Variants in PTPRN2 observed in about 807,000 individuals in gnomAD.
PTPRN2 encodes the protein protein tyrosine phosphatase receptor type N2, also known as receptor-type tyrosine-protein phosphatase N2.
PTPRN2 carries 74 observed loss-of-function variants against 118.8 expected under a neutral mutation model. That is an observed-to-expected ratio of 0.62 (90% CI 0.52 to 0.76). The LOEUF is 0.76. Ranked by LOEUF, PTPRN2 falls within the 30% of genes least tolerant of loss-of-function variation. PTPRN2 has a pLI of 0.00. For missense variants in PTPRN2, 1,481 were observed against 1,394.4 expected (o/e 1.06, Z -0.99); for synonymous variants, 641 against 608.0 (o/e 1.05, Z -0.80).
chr7:158,145,712 G>A (rs367650011), intron 6 of PTPRN2, among the ~76,000 whole-genome samples: 10 of 152,350 alleles, frequency 6.6e-5, no homozygotes, highest in African/African-American at 2.4e-4. Flanking sequence ...GATTATTCTA[G>A]AATCTGTAGG....
chr7:158,152,036 T>C (rs568353609), intron 6 of PTPRN2, among the ~76,000 whole-genome samples: 1 of 151,862 alleles, frequency 6.6e-6, no homozygotes, highest in South Asian at 2.1e-4. Context: ...TAGCCGGGCG[T>C]GGTGGCAGAC....
rs2151083692 is a variant in PTPRN2 at position 157,794,790 on chromosome 7, AG to A, written c.1788+103882del. Among the ~76,000 whole-genome samples the A allele has an allele frequency of 6.6e-6, 1 of 152,342 alleles. No homozygotes were observed. Among genetic ancestry groups the A allele is most frequent in the Non-Finnish European group, 1.5e-5 (1 of 68,032 alleles). On this transcript the variant is annotated intron_variant, in intron 12 of 22. Coordinates refer to ENST00000389418, the MANE Select transcript of PTPRN2 (RefSeq NM_002847.5). This position sits in a 1 kb window ranked among gnomAD's most constrained non-coding sequence, Gnocchi z 5.2. Reference sequence around the variant, plus strand: ...AGAACAGTGAGCTACCTTCTCTCCCAGTAACCTTTTCCAGAGGAAACCTCTT... The same window carrying A: ...AGAACAGTGAGCTACCTTCTCTCCCATAACCTTTTCCAGAGGAAACCTCTT...
At chr7:157,682,118 T>A (rs1021044046) in intron 13 of PTPRN2, among the ~76,000 whole-genome samples, 20 of 152,362 alleles carry the variant, frequency 1.3e-4, no homozygotes, top group African/African-American at 2.9e-4. Flanking sequence ...TGTGGTTTTT[T>A]AAAAATGCCC....
intron 6 of PTPRN2, among the ~76,000 whole-genome samples, chr7:158,142,369 G>A (rs193000019): frequency 3.3e-5 from 5 of 152,308 alleles, no homozygotes; most frequent in Admixed American, 2.6e-4. Context: ...CCCAGCCTCC[G>A]GACTGACGCT....
intron 11 of PTPRN2, among the ~76,000 whole-genome samples, chr7:157,979,815 TA>T (rs1803003803): frequency 6.6e-6 from 1 of 152,174 alleles, no homozygotes; most frequent in African/African-American, 2.4e-5. Context: ...TGCACAGGCA[TA>T]AGAGGTCCCT....
At position 158,003,409 on chromosome 7, in the gene PTPRN2, G is replaced by A. The variant is rs370650394; in HGVS notation, c.1723+77889C>T. 4.4e-3 allele frequency among the ~76,000 whole-genome samples: 367 copies of A among 82,564 alleles called. 1 individual carries two copies. The highest frequency in any genetic ancestry group is 0.018 in the African/African-American group (347 of 19,680). The allele number at this position is 82,564 out of a possible 152,430, so 54.2% of individuals were successfully genotyped here. A position where few individuals can be genotyped will look rare whatever the true frequency, so the allele number is the denominator to read the frequency against. Reference sequence around the variant, plus strand: ...AACCTGGGAGACACAGCGAGACTCCGTCTCAAAAAAAAAAAAAAAAAAAAA... The same window carrying A: ...AACCTGGGAGACACAGCGAGACTCCATCTCAAAAAAAAAAAAAAAAAAAAA... On this transcript the variant is annotated intron_variant, in intron 11 of 22. Coordinates refer to ENST00000389418, the MANE Select transcript of PTPRN2 (RefSeq NM_002847.5). The surrounding 1 kb of genome is among the most constrained non-coding windows in gnomAD (Gnocchi z 5.0).
intron 2 of PTPRN2, among the ~76,000 whole-genome samples, chr7:158,340,234 C>G (rs1167341445): frequency 1.1e-5 from 1 of 92,886 alleles, no homozygotes; most frequent in African/African-American, 3.8e-5. Context: ...ACACGTCACT[C>G]ACACCCACAC....
intron 15 of PTPRN2, among the ~76,000 whole-genome samples, chr7:157,607,889 C>A (rs1802099225): frequency 6.6e-6 from 1 of 152,058 alleles, no homozygotes; most frequent in Admixed American, 6.5e-5. Context: ...GCCCTGCTGG[C>A]AAGTGGACAA....
At position 157,903,493 on chromosome 7, in the gene PTPRN2, C is replaced by T. The variant is rs950317848; in HGVS notation, c.1724-4756G>A. On this transcript the variant is annotated intron_variant, in intron 11 of 22. Coordinates refer to ENST00000389418, the MANE Select transcript of PTPRN2 (RefSeq NM_002847.5). The surrounding 1 kb of genome is among the most constrained non-coding windows in gnomAD (Gnocchi z 4.2). ...AAATAAAAGCTGAAAATTAAAAATA[C>T]GGATAAGTGAACAGATGTGCCACCG... Among the ~76,000 whole-genome samples, 3 of 152,236 alleles carry T rather than the reference C, an allele frequency of 2.0e-5. No homozygotes were observed. Among genetic ancestry groups the T allele is most frequent in the South Asian group, 2.1e-4 (1 of 4,810 alleles).
rs868500972 is a variant in PTPRN2, at chr7:157,671,990, C to G, written c.2001+10735G>C. ...GCAGCCCTGGAGGAAAACCCGTGAG[C>G]GAGTCGTGGAGGGAGTGTGAGGGTT... On this transcript the variant is annotated intron_variant, in intron 13 of 22. Coordinates refer to ENST00000389418, the MANE Select transcript of PTPRN2 (RefSeq NM_002847.5). This position sits in a 1 kb window ranked among gnomAD's most constrained non-coding sequence, Gnocchi z 4.1. Among the ~76,000 whole-genome samples, 1 of 152,028 alleles carries G rather than the reference C, an allele frequency of 6.6e-6. No homozygotes were observed. Among genetic ancestry groups the G allele is most frequent in the Non-Finnish European group, 1.5e-5 (1 of 68,012 alleles).
At position 158,555,872 on chromosome 7, in the gene PTPRN2, T is replaced by C. The variant is rs910415373; in HGVS notation, c.112+31686A>G. Among the ~76,000 whole-genome samples the C allele has an allele frequency of 6.6e-6, 1 of 151,080 alleles. No homozygotes were observed. The highest frequency in any genetic ancestry group is 2.4e-5 in the African/African-American group (1 of 41,030). ...AGGACCCAGCTCGCAGAGAACAAAA[T>C]CTGTGAACAATAATCACAACATGGC... On this transcript the variant is annotated intron_variant, in intron 1 of 22. Coordinates refer to ENST00000389418, the MANE Select transcript of PTPRN2 (RefSeq NM_002847.5). The surrounding 1 kb of genome is among the most constrained non-coding windows in gnomAD (Gnocchi z 4.7).
At chr7:157,907,241 C>G (rs537146291) in intron 11 of PTPRN2, among the ~76,000 whole-genome samples, 22 of 152,308 alleles carry the variant, frequency 1.4e-4, no homozygotes, top group African/African-American at 5.3e-4. Context: ...CAGCTCTGTG[C>G]GGCCACTGGC....
chr7:157,976,528 A>T (rs1337498576), intron 11 of PTPRN2, among the ~76,000 whole-genome samples: 1 of 148,508 alleles, frequency 6.7e-6, no homozygotes, highest in Non-Finnish European at 1.5e-5. Context: ...CCAGCACCTT[A>T]CTGGAGCCTC....
chr7:158,363,807 A>G (rs1375926572), intron 2 of PTPRN2, among the ~76,000 whole-genome samples: 1 of 152,274 alleles, frequency 6.6e-6, no homozygotes, highest in East Asian at 1.9e-4. Context: ...GTCTCCACGG[A>G]TGCCTCTGGC....
At chr7:157,947,392 C>T (rs1367990389) in intron 11 of PTPRN2, among the ~76,000 whole-genome samples, 1 of 152,204 alleles carries the variant, frequency 6.6e-6, no homozygotes, top group Non-Finnish European at 1.5e-5. Context: ...GGTTAAAAGA[C>T]ATTCTGTGGT....
intron 11 of PTPRN2, among the ~76,000 whole-genome samples, chr7:157,925,806 A>AGT (rs1798947697): frequency 6.6e-6 from 1 of 151,956 alleles, no homozygotes; most frequent in Non-Finnish European, 1.5e-5. Context: ...CCAGCCACCG[A>AGT]GACAATCAGG....
At chr7:158,312,083 T>G (rs537384948) in intron 3 of PTPRN2, among the ~76,000 whole-genome samples, 15 of 122,502 alleles carry the variant, frequency 1.2e-4, no homozygotes, top group African/African-American at 5.0e-4. Context: ...ACACGTGCAC[T>G]CATTCACATG....
chr7:157,910,490 G>A (rs1231016746), intron 11 of PTPRN2, among the ~76,000 whole-genome samples: 7 of 150,672 alleles, frequency 4.6e-5, no homozygotes, highest in African/African-American at 1.5e-4. Context: ...ACGGGTCCAG[G>A]ATCACGCATG....
At chr7:157,867,313 C>G (rs576164843) in intron 12 of PTPRN2, among the ~76,000 whole-genome samples, 1 of 98,444 alleles carries the variant, frequency 1.0e-5, no homozygotes, top group African/African-American at 5.0e-5. Context: ...CCTGGATACA[C>G]GGCCACCACC....
Sources: allele counts gnomAD v4.1 joint callset (sites outside exome capture counted in the v4.1 genomes callset), GRCh38; gene constraint gnomAD v4.1.1; non-coding constraint Gnocchi (gnomAD v3.1); transcripts MANE v1.5; gene names NCBI Gene and HGNC (gene_info 2026-07-23, HGNC 2026-07-21).